The following CDH12 variants were observed in gnomAD, a reference collection of about 807,000 sequenced individuals.
The protein encoded by CDH12 is cadherin 12.
A neutral mutation model predicts 74.1 loss-of-function variants in CDH12; 41 were observed. The ratio of observed to expected loss-of-function variants is 0.55; its 90% CI spans 0.43 to 0.72. CDH12 has a LOEUF of 0.72. Ranked by LOEUF, CDH12 falls within the 30% of genes least tolerant of loss-of-function variation. CDH12 has a pLI of 0.00. For synonymous variants in CDH12, 399 were observed against 355.0 expected, an observed-to-expected ratio of 1.12 and a Z score of -1.39; for missense variants, 945 against 977.2, an observed-to-expected ratio of 0.97 and a Z score of 0.44.
chr5:22,535,249 G>C (rs975871351), intron 1 of CDH12, among the ~76,000 whole-genome samples: 1 of 150,672 alleles, frequency 6.6e-6, no homozygotes, highest in Non-Finnish European at 1.5e-5. Flanking sequence ...CCGCTTCCCG[G>C]GTTCACGCCA....
At position 22,220,991 on chromosome 5, in the gene CDH12, T is replaced by TACACAC. The variant is rs546225606; in HGVS notation, c.-332-8354_-332-8349dup. Among the ~76,000 whole-genome samples the TACACAC allele has an allele frequency of 2.9e-4, 43 of 150,276 alleles. 1 individual carries two copies. Among genetic ancestry groups the TACACAC allele is most frequent in the African/African-American group, 6.1e-4 (25 of 41,098 alleles). On this transcript the variant is annotated intron_variant, in intron 3 of 14. Coordinates refer to ENST00000382254, the MANE Select transcript of CDH12 (RefSeq NM_004061.5). The stretch of plus-strand genomic sequence containing the variant: ...GCTCTGAGAAGATACCTTCATCAAA[T>TACACAC]ACACACACACACACACAGACACACA...
intron 5 of CDH12, among the ~76,000 whole-genome samples, chr5:22,060,450 C>T (rs887861685): frequency 9.2e-5 from 14 of 151,932 alleles, no homozygotes; most frequent in African/African-American, 3.4e-4. Flanking sequence ...CAAACCTACA[C>T]GTTCAGCACA....
At chr5:21,784,417 T>A (rs1746089663) in intron 10 of CDH12, among the ~76,000 whole-genome samples, 1 of 152,040 alleles carries the variant, frequency 6.6e-6, no homozygotes, top group Non-Finnish European at 1.5e-5. Context: ...ATGTCTTACA[T>A]ATGAGAAAAG....
At chr5:22,608,921 G>A (rs770274046) in intron 1 of CDH12, among the ~76,000 whole-genome samples, 4 of 152,114 alleles carry the variant, frequency 2.6e-5, no homozygotes, top group South Asian at 2.1e-4. Flanking sequence ...CCCAGTCTCA[G>A]GCAGTTCTTT....
At chr5:22,661,147 A>G (rs780230650) in intron 1 of CDH12, among the ~76,000 whole-genome samples, 55 of 152,194 alleles carry the variant, frequency 3.6e-4, no homozygotes, top group Non-Finnish European at 5.4e-4. Context: ...TAGAAAGCTA[A>G]TGAGATGGTA....
intron 3 of CDH12, among the ~76,000 whole-genome samples, chr5:22,236,603 T>C (rs1353736337): frequency 6.6e-6 from 1 of 151,978 alleles, no homozygotes; most frequent in Non-Finnish European, 1.5e-5. Flanking sequence ...AAAAATTAGC[T>C]GGACATTCTA....
chr5:22,356,495 T>C (rs1318294959), intron 3 of CDH12, among the ~76,000 whole-genome samples: 1 of 152,164 alleles, frequency 6.6e-6, no homozygotes, highest in Non-Finnish European at 1.5e-5. Flanking sequence ...TCTCATGTTC[T>C]GGAGTACTTC....
intron 1 of CDH12, among the ~76,000 whole-genome samples, chr5:22,542,765 T>G (rs1005403144): frequency 2.0e-5 from 3 of 152,150 alleles, no homozygotes; most frequent in African/African-American, 7.2e-5. Context: ...GGCATTGAAC[T>G]TAATTGCTTA....
intron 4 of CDH12, among the ~76,000 whole-genome samples, chr5:22,150,620 T>C (rs1357182194): frequency 6.6e-6 from 1 of 152,070 alleles, no homozygotes; most frequent in Non-Finnish European, 1.5e-5. Flanking sequence ...GCTTTACAAA[T>C]ACTTAAGAAC....
At chr5:22,119,586 C>T (rs540914077) in intron 4 of CDH12, among the ~76,000 whole-genome samples, 10 of 151,988 alleles carry the variant, frequency 6.6e-5, no homozygotes, top group Non-Finnish European at 1.2e-4. Flanking sequence ...CACAGCTCCC[C>T]GCCAATCATC....
chr5:22,229,360 C>CAAA (rs34665859), intron 3 of CDH12, among the ~76,000 whole-genome samples: 5,814 of 125,318 alleles, frequency 0.046, 341 homozygotes, highest in African/African-American at 0.14. Flanking sequence ...CTGCCTTTTA[C>CAAA]AAAAAAAAAA....
At position 22,221,604 on chromosome 5, in the gene CDH12, A is replaced by C. The variant is rs114392636; in HGVS notation, c.-332-8961T>G. 6.1e-3 allele frequency among the ~76,000 whole-genome samples: 922 copies of C among 151,984 alleles called. 7 individuals are homozygous for C. Among genetic ancestry groups the C allele is most frequent in the African/African-American group, 0.021 (853 of 41,514 alleles). The stretch of plus-strand genomic sequence containing the variant: ...CTTGGGCTGCTTTCATGCTCCCGCT[A>C]GTAATATAAAATGTTGATATTATTT... On this transcript the variant is annotated intron_variant, in intron 3 of 14. Coordinates refer to ENST00000382254, the MANE Select transcript of CDH12 (RefSeq NM_004061.5).
chr5:22,186,861 A>G (rs144282099), intron 4 of CDH12, among the ~76,000 whole-genome samples: 1,849 of 152,340 alleles, frequency 0.012, 20 homozygotes, highest in South Asian at 0.018. Flanking sequence ...TATACTTCCA[A>G]TGTGGAGTAA....
intron 6 of CDH12, among the ~76,000 whole-genome samples, chr5:21,926,452 T>C (rs1754587646): frequency 6.6e-6 from 1 of 152,196 alleles, no homozygotes; most frequent in Non-Finnish European, 1.5e-5. Context: ...CTTTCCTCTA[T>C]ATATCTATCT....
rs55879862 is a variant in CDH12 at position 21,751,611 on chromosome 5, T to A, written c.*126A>T. 0.16 allele frequency: 45,570 copies of A among 292,716 alleles called. 2,385 individuals carry two copies. Among genetic ancestry groups the A allele is most frequent in the African/African-American group, 0.39 (13,498 of 34,890 alleles). 18.1% of individuals were successfully genotyped at this position (292,716 alleles called of 1,614,324 possible). A position where few individuals can be genotyped will look rare whatever the true frequency, so the allele number is the denominator to read the frequency against. ...TAATCAAAGGAATCTTGTCCCAGAG[T>A]GTGTGTGTGTGTGTGTGTGTTTGTG... On this transcript the variant is annotated 3_prime_UTR_variant, in exon 15 of 15. Transcript: ENST00000382254.
intron 2 of CDH12, among the ~76,000 whole-genome samples, chr5:22,481,878 T>G: frequency 6.7e-6 from 1 of 148,960 alleles, no homozygotes; most frequent in South Asian, 2.1e-4. Context: ...GCGCTTGCAC[T>G]TAAGAAAAAA....
At chr5:22,335,596 A>G (rs1378327292) in intron 3 of CDH12, among the ~76,000 whole-genome samples, 2 of 151,752 alleles carry the variant, frequency 1.3e-5, no homozygotes, top group African/African-American at 2.4e-5. Context: ...AAAGAAAAAA[A>G]AAAACAAAAA....
intron 2 of CDH12, among the ~76,000 whole-genome samples, chr5:22,413,730 G>T (rs1480434666): frequency 6.6e-6 from 1 of 151,936 alleles, no homozygotes; most frequent in Non-Finnish European, 1.5e-5. Context: ...CATACATATA[G>T]AAAGTTTATT....
intron 3 of CDH12, among the ~76,000 whole-genome samples, chr5:22,278,760 C>T (rs529896070): frequency 1.3e-4 from 20 of 152,086 alleles, no homozygotes; most frequent in Non-Finnish European, 2.9e-4. Context: ...ATGCAATTTT[C>T]TGTCCTACTT....
Sources: allele counts gnomAD v4.1 joint callset (sites outside exome capture counted in the v4.1 genomes callset), GRCh38; gene constraint gnomAD v4.1.1; transcripts MANE v1.5; gene names NCBI Gene and HGNC (gene_info 2026-07-23, HGNC 2026-07-21).